The following CHRNA4 variants were observed in gnomAD, a reference collection of about 807,000 sequenced individuals.
CHRNA4 encodes cholinergic receptor nicotinic alpha 4 subunit, also known as neuronal acetylcholine receptor subunit alpha-4.
CHRNA4 carries 28 observed loss-of-function variants against 48.9 expected under a neutral mutation model. That is an observed-to-expected ratio of 0.57 (90% confidence interval 0.42 to 0.79). The LOEUF (loss-of-function observed/expected upper bound fraction) is 0.79, where lower values mean the gene tolerates loss of function less well. Ranked by LOEUF, CHRNA4 falls within the 30% of genes least tolerant of loss-of-function variation. The pLI, the probability that CHRNA4 is intolerant of heterozygous loss-of-function variation, is 0.00. For synonymous variants in CHRNA4, 425 were observed against 402.3 expected (o/e 1.06, Z -0.68); for missense variants, 859 against 898.4 (o/e 0.96, Z 0.56).
chr20:63,359,886 CCGG>C lies in CHRNA4; in HGVS notation c.77-190_77-188del, dbSNP rs2068783150. 1.6e-4 allele frequency: 96 copies of C among 594,422 alleles called. 1 individual carries two copies. Among genetic ancestry groups the C allele is most frequent in the Non-Finnish European group, 2.1e-4 (72 of 341,726 alleles). 36.8% of individuals were successfully genotyped at this position (594,422 alleles called of 1,614,324 possible). On this transcript the variant is annotated intron_variant, in intron 1 of 5. Coordinates refer to ENST00000370263, the MANE Select transcript of CHRNA4 (RefSeq NM_000744.7). ...CGTGCGCTCTGTGTGTGTGTGTGTG[CCGG>C]GCGTGTGCTGTGTGTGTGTGTGTGT...
intron 4 of CHRNA4, 192 bp downstream of exon 4, chr20:63,355,783 T>G: frequency 1.1e-6 from 1 of 892,848 alleles, no homozygotes; most frequent in South Asian, 1.6e-5. Context: ...CCTTCCCTCC[T>G]CAACCCACAC....
chr20:63,361,333 A>G lies in CHRNA4; in HGVS notation c.-168T>C, dbSNP rs1407481332. On this transcript the variant is annotated 5_prime_UTR_variant, in exon 1 of 6. Transcript: ENST00000370263. ...GCGGTGCGGCGGCGGCGCGGCAGGG[A>G]GCGCCGGGCTGTGGGCTCCGTGGCG... is the stretch of plus-strand genomic sequence containing the variant. The G allele has an allele frequency of 2.8e-6, 3 of 1,089,800 alleles. No homozygotes were observed. Among genetic ancestry groups the G allele is most frequent in the Non-Finnish European group, 3.3e-6 (3 of 916,514 alleles). The allele number at this position is 1,089,800 out of a possible 1,614,324, so 67.5% of individuals were successfully genotyped here. A position where few individuals can be genotyped will look rare whatever the true frequency, so the allele number is the denominator to read the frequency against.
At position 63,350,613 on chromosome 20, in the gene CHRNA4, G is replaced by A; in HGVS notation, c.798C>T (p.Tyr266=). Residue 266 remains tyrosine, a synonymous_variant, in exon 5 of 6, where the codon TAC becomes TAT. Transcript: ENST00000370263. ...LISCLTVLVF[Y]LPSECGEKIT... is the part of the protein sequence containing the mutation. ...TCTTCTCGCCACACTCGGAGGGCAG[G>A]TAGAAGACCAGCACGGTGAGGCAGG... The A allele has an allele frequency of 6.2e-7, 1 of 1,614,094 alleles. No homozygotes were observed. Among genetic ancestry groups the A allele is most frequent in the Non-Finnish European group, 8.5e-7 (1 of 1,180,024 alleles).
Position 63,345,569 on chromosome 20 carries a change from G to A in CHRNA4, c.*1169C>T, listed in dbSNP as rs1396610156. The A allele has an allele frequency of 4.5e-6, 2 of 442,552 alleles. No individual in the cohort carries two copies. The highest frequency in any genetic ancestry group is 2.4e-5 in the Admixed American group (1 of 42,264). The allele number at this position is 442,552 out of a possible 1,614,324, so 27.4% of individuals were successfully genotyped here. Reference sequence around the variant, plus strand: ...GGATACCGCCTGCAGGGGTGAGGCTGTGCTGAGCTCTGCCTGCCCTGCCAG... The same window carrying A: ...GGATACCGCCTGCAGGGGTGAGGCTATGCTGAGCTCTGCCTGCCCTGCCAG... On this transcript the variant is annotated 3_prime_UTR_variant, in exon 6 of 6. Transcript: ENST00000370263. The surrounding 1 kb of genome is among the most constrained non-coding windows in gnomAD (Gnocchi z 5.4).
At position 63,356,031 on chromosome 20, in the gene CHRNA4, G is replaced by A. The variant is rs200741415; in HGVS notation, c.327C>T (p.Thr109=). The A allele has an allele frequency of 1.5e-5, 24 of 1,609,788 alleles. No homozygotes were observed. The highest frequency in any genetic ancestry group is 8.9e-5 in the East Asian group (4 of 44,760). The stretch of plus-strand genomic sequence containing the variant: ...TGAGCTCGGAGGGGATGCGGATGGA[G>A]GTGACATTCTCATAGTCAGCTGGGT... ...RWDPADYENV[T]SIRIPSELIW... The change falls in exon 4 of 6, where the codon ACC becomes ACT. Residue 109 remains threonine (T), a synonymous_variant. Coordinates refer to ENST00000370263, the MANE Select transcript of CHRNA4 (RefSeq NM_000744.7).
At position 63,346,567 on chromosome 20, in the gene CHRNA4, GC is replaced by G; in HGVS notation, c.*170del. The G allele has an allele frequency of 1.1e-6, 1 of 930,984 alleles. No homozygotes were observed. The allele number at this position is 930,984 out of a possible 1,614,324, so 57.7% of individuals were successfully genotyped here. A position where few individuals can be genotyped will look rare whatever the true frequency, so the allele number is the denominator to read the frequency against. ...AGCTCCACACTCGGTCTCCCCAGAG[GC>G]CGTGTCCCCGTCCAAGGCCGTCTTA... On this transcript the variant is annotated 3_prime_UTR_variant, in exon 6 of 6. Coordinates refer to ENST00000370263, the MANE Select transcript of CHRNA4 (RefSeq NM_000744.7).
intron 5 of CHRNA4, 129 bp downstream of exon 5, chr20:63,349,524 C>T (rs1396536720): frequency 1.9e-5 from 23 of 1,201,458 alleles, no homozygotes; most frequent in Middle Eastern, 2.6e-4. Context: ...GCAGGGGCCA[C>T]GCCCTGCACC....
chr20:63,359,863 TGC>T (rs1226005683), intron 1 of CHRNA4, 164 bp from the exon 2 acceptor site: 19 of 763,114 alleles, frequency 2.5e-5, no homozygotes, highest in Admixed American at 1.9e-4. Flanking sequence ...GTGCCGGGCG[TGC>T]GCTCTGTGTG....
rs1260067320 is a variant in CHRNA4, at chr20:63,359,310, G to A, written c.228+238C>T. The A allele has an allele frequency of 5.0e-6, 3 of 596,892 alleles. No individual in the cohort carries two copies. In the African/African-American group the frequency reaches 5.5e-5, roughly 11 times the overall value. The allele number at this position is 596,892 out of a possible 1,614,324, so 37.0% of individuals were successfully genotyped here. On this transcript the variant is annotated intron_variant, in intron 2 of 5. Coordinates refer to ENST00000370263, the MANE Select transcript of CHRNA4 (RefSeq NM_000744.7). ...TGTACTGAGAACCTGGCCACTTGGA[G>A]TGTTCCCACGTCAAGGGGGAGGAAA... is the stretch of plus-strand genomic sequence containing the variant.
chr20:63,354,544 T>C, intron 4 of CHRNA4: 1 of 884,628 alleles, frequency 1.1e-6, no homozygotes, highest in Non-Finnish European at 1.3e-6. Flanking sequence ...TGGTGGGGGC[T>C]GCAGTCTTTG....
chr20:63,344,490 GCCT>G lies in CHRNA4; in HGVS notation c.*2245_*2247del. 4 of 430,184 alleles carry G rather than the reference GCCT, an allele frequency of 9.3e-6. No homozygotes were observed. The highest frequency in any genetic ancestry group is 2.5e-5 in the Admixed American group (1 of 39,660). The allele number at this position is 430,184 out of a possible 1,614,324, so 26.6% of individuals were successfully genotyped here. On this transcript the variant is annotated 3_prime_UTR_variant, in exon 6 of 6. Coordinates refer to ENST00000370263, the MANE Select transcript of CHRNA4 (RefSeq NM_000744.7). This position sits in a 1 kb window ranked among gnomAD's most constrained non-coding sequence, Gnocchi z 4.5. Reference sequence around the variant, plus strand: ...TGCTTTATTTGGATTTTTTTTTTGAGCCTCAAAAAAAAAAAGAAAGGGAAAGGG... The same window carrying G: ...TGCTTTATTTGGATTTTTTTTTTGAGCAAAAAAAAAAAGAAAGGGAAAGGG...
intron 1 of CHRNA4, 67 bp downstream of exon 1, chr20:63,361,023 G>A: frequency 7.9e-7 from 1 of 1,270,852 alleles, no homozygotes; most frequent in Non-Finnish European, 1.0e-6. Context: ...GCCTCCCTCT[G>A]GCTCTGGGGG....
chr20:63,344,153 G>C lies in CHRNA4; in HGVS notation c.*2585C>G. 4.4e-6 allele frequency: 2 copies of C among 454,088 alleles called. No homozygotes were observed. The highest frequency in any genetic ancestry group is 3.1e-5 in the South Asian group (2 of 64,474). The allele number at this position is 454,088 out of a possible 1,614,324, so 28.1% of individuals were successfully genotyped here. ...GAAGGAACAGACAGCAAGGAGCTAC[G>C]GACACACACAACAGCACGGATGAAG... On this transcript the variant is annotated 3_prime_UTR_variant, in exon 6 of 6. Coordinates refer to ENST00000370263, the MANE Select transcript of CHRNA4 (RefSeq NM_000744.7). The surrounding 1 kb of genome is among the most constrained non-coding windows in gnomAD (Gnocchi z 4.5).
chr20:63,357,369 G>A (rs925573758), intron 2 of CHRNA4, among the ~76,000 whole-genome samples: 3 of 152,158 alleles, frequency 2.0e-5, no homozygotes, highest in Admixed American at 6.5e-5. Context: ...ACGTGGCCAG[G>A]CCTGGCCCTC....
intron 2 of CHRNA4, 109 bp from the exon 3 acceptor site, chr20:63,356,524 T>A: frequency 8.3e-7 from 1 of 1,211,150 alleles, no homozygotes; most frequent in South Asian, 1.3e-5. Context: ...GGGCAAGATA[T>A]GGTGGACGGG....
chr20:63,360,701 C>T (rs1410618036), intron 1 of CHRNA4, among the ~76,000 whole-genome samples: 1 of 152,212 alleles, frequency 6.6e-6, no homozygotes, highest in Non-Finnish European at 1.5e-5. Flanking sequence ...AGAGGCCACC[C>T]CTCTGATCCC....
At position 63,357,290 on chromosome 20, in the gene CHRNA4, AGG is replaced by A. The variant is rs2068736486; in HGVS notation, c.229-877_229-876del. ...TCCGTGCAGGGCCATATCTCCCCAC[AGG>A]ACCTCATCCCCTCAGGACCTCATCC... On this transcript the variant is annotated intron_variant, in intron 2 of 5. Coordinates refer to ENST00000370263, the MANE Select transcript of CHRNA4 (RefSeq NM_000744.7). Among the ~76,000 whole-genome samples the A allele has an allele frequency of 2.6e-4, 4 of 15,196 alleles. No individual in the cohort carries two copies. The South Asian group carries it at 6.7e-3, about 25-fold the overall frequency. The allele number at this position is 15,196 out of a possible 152,430, so 10.0% of individuals were successfully genotyped here. A position where few individuals can be genotyped will look rare whatever the true frequency, so the allele number is the denominator to read the frequency against.
At chr20:63,354,693 C>T in intron 4 of CHRNA4, 1 of 985,422 alleles carries the variant, frequency 1.0e-6, no homozygotes. Context: ...TCCTGGAGGG[C>T]TGTGCACAGG....
rs1012080747 is a variant in CHRNA4 at position 63,344,261 on chromosome 20, G to A, written c.*2477C>T. ...CTCCTCGAAGGTCGTGAGCCGGAGA[G>A]GTCAATCCACGGTGCTTAAGTCAGA... On this transcript the variant is annotated 3_prime_UTR_variant, in exon 6 of 6. Coordinates refer to ENST00000370263, the MANE Select transcript of CHRNA4 (RefSeq NM_000744.7). This position sits in a 1 kb window ranked among gnomAD's most constrained non-coding sequence, Gnocchi z 4.5. The A allele has an allele frequency of 2.2e-6, 1 of 453,788 alleles. No individual in the cohort carries two copies. Among genetic ancestry groups the A allele is most frequent in the African/African-American group, 2.0e-5 (1 of 50,092 alleles). 28.1% of individuals were successfully genotyped at this position (453,788 alleles called of 1,614,324 possible). A position where few individuals can be genotyped will look rare whatever the true frequency, so the allele number is the denominator to read the frequency against.
Sources: gnomAD v4.1 joint callset for allele counts (sites outside exome capture counted in the v4.1 genomes callset) on GRCh38, gnomAD v4.1.1 for gene constraint, Gnocchi (gnomAD v3.1) non-coding constraint, MANE v1.5 for transcripts, NCBI Gene and HGNC (gene_info 2026-07-23, HGNC 2026-07-21) for gene names.